ITPA: variants seen among roughly 807,000 people sequenced by gnomAD.
The protein encoded by ITPA is inosine triphosphatase, also known as inosine triphosphate pyrophosphatase.
ITPA carries 29 observed loss-of-function variants against 29.6 expected under a neutral mutation model. That is an observed-to-expected ratio of 0.98 (90% CI 0.73 to 1.34). The LOEUF is 1.34. ITPA is among the 40% of genes most tolerant of loss of function. The probability of loss-of-function intolerance (pLI) is 0.00; values close to 1 mark genes in which losing one functional copy is unlikely to be tolerated. For synonymous variants in ITPA, 103 were observed against 99.3 expected (o/e 1.04, Z -0.22); for missense variants, 241 against 251.5 (o/e 0.96, Z 0.28).
chr20:3,207,037 A>C (rs1490907094), upstream of ITPA, among the ~76,000 whole-genome samples: 1 of 152,042 alleles, frequency 6.6e-6, no homozygotes, highest in Non-Finnish European at 1.5e-5. Flanking sequence ...AAATAAAAGA[A>C]TGAAAAAGAA....
At chr20:3,221,172 A>G (rs1163620564) in intron 6 of ITPA, among the ~76,000 whole-genome samples, 3 of 151,052 alleles carry the variant, frequency 2.0e-5, no homozygotes, top group African/African-American at 7.3e-5. Context: ...GATTACAGGC[A>G]TGAGCCACCG....
chr20:3,204,293 G>A (rs2067055519), upstream of ITPA, among the ~76,000 whole-genome samples: 1 of 152,172 alleles, frequency 6.6e-6, no homozygotes, highest in African/African-American at 2.4e-5. Context: ...TGGAGTTCCC[G>A]GGGGTGAAGA....
chr20:3,219,980 G>T (rs66607669), intron 6 of ITPA, among the ~76,000 whole-genome samples: 2 of 146,690 alleles, frequency 1.4e-5, no homozygotes, highest in Non-Finnish European at 3.0e-5. Flanking sequence ...AGTTTGACGG[G>T]ACAGTGAGCT....
At chr20:3,209,231 A>AC (rs748389266), upstream of ITPA, 3 of 406,378 alleles carry the variant, frequency 7.4e-6, no homozygotes, top group Non-Finnish European at 1.3e-5. The surrounding 1 kb of genome is among the most constrained non-coding windows in gnomAD (Gnocchi z 4.6). Context: ...CCTTTCGGAG[A>AC]CCCCATTGCA....
upstream of ITPA, chr20:3,209,370 C>G: frequency 1.5e-6 from 1 of 684,410 alleles, no homozygotes; most frequent in Non-Finnish European, 2.7e-6. The surrounding 1 kb of genome is among the most constrained non-coding windows in gnomAD (Gnocchi z 4.6). Context: ...GCAAATCGGA[C>G]GCTGTGGGCT....
chr20:3,204,737 G>A (rs1407459360), upstream of ITPA: 2 of 1,075,312 alleles, frequency 1.9e-6, no homozygotes, highest in Non-Finnish European at 2.7e-6. Context: ...GCCCCGCCCA[G>A]CGGCACATCA....
chr20:3,213,659 C>T (rs1230004739), intron 3 of ITPA, among the ~76,000 whole-genome samples: 1 of 152,160 alleles, frequency 6.6e-6, no homozygotes, highest in African/African-American at 2.4e-5. Context: ...AGCCCTACAT[C>T]CTCCCCACAC....
upstream of ITPA, chr20:3,204,730 C>G (rs2067059112): frequency 1.7e-6 from 2 of 1,174,538 alleles, no homozygotes. Flanking sequence ...ACTCGGAGCC[C>G]CGCCCAGCGG....
chr20:3,224,922 G>C (rs1420290315), downstream of ITPA, among the ~76,000 whole-genome samples: 3 of 152,166 alleles, frequency 2.0e-5, no homozygotes, highest in Admixed American at 1.3e-4. Context: ...TATATATCTG[G>C]TTCCAGGCAA....
intron 1 of ITPA, among the ~76,000 whole-genome samples, chr20:3,212,354 C>G (rs1480026487): frequency 2.7e-5 from 4 of 150,246 alleles, no homozygotes; most frequent in Non-Finnish European, 5.9e-5. Context: ...GAGTCTCACT[C>G]TGTCGCCTAA....
upstream of ITPA, among the ~76,000 whole-genome samples, chr20:3,207,164 A>C (rs2067077097): frequency 6.6e-6 from 1 of 152,136 alleles, no homozygotes; most frequent in South Asian, 2.1e-4. Flanking sequence ...CTCTTGGCTC[A>C]CTGCAGCCTC....
At chr20:3,213,913 C>A in intron 3 of ITPA, 72 bp from the exon 4 acceptor site, 2 of 1,510,840 alleles carry the variant, frequency 1.3e-6, no homozygotes, top group Non-Finnish European at 1.8e-6. Context: ...GCCTGGGTGA[C>A]GCGGGTGACC....
rs150343728 is a variant in ITPA, at chr20:3,212,678, T to C, written c.67-491T>C. The stretch of plus-strand genomic sequence containing the variant: ...TTTGAGATATCTGCAGCAATTGTAA[T>C]GAGTTATAACAACATCTGTGATTTT... On this transcript the variant is annotated intron_variant, in intron 1 of 7. Transcript: ENST00000380113. Among the ~76,000 whole-genome samples, 301 of 152,344 alleles carry C rather than the reference T, an allele frequency of 2.0e-3. 1 individual carries two copies. Among genetic ancestry groups the C allele is most frequent in the African/African-American group, 6.5e-3 (272 of 41,586 alleles).
Position 3,222,856 on chromosome 20 carries a change from C to T in ITPA, c.489-510C>T, listed in dbSNP as rs547025573. ...GTTCAGCGTTAATTCATTTAAATAG[C>T]CACACCTGGCTAGTGGCTACTGGCC... is the stretch of plus-strand genomic sequence containing the variant. On this transcript the variant is annotated intron_variant, in intron 7 of 7. Coordinates refer to ENST00000380113, the MANE Select transcript of ITPA (RefSeq NM_033453.4). 5.3e-5 allele frequency among the ~76,000 whole-genome samples: 8 copies of T among 152,350 alleles called. No homozygotes were observed. The South Asian group carries it at 1.5e-3, about 28-fold the overall frequency.
In ITPA at chr20:3,218,644, C is replaced by G. The variant is rs747581144; in HGVS notation, c.411+12C>G. ...GGGGCCGGACCTCGGTGCGTACCCA[C>G]CTTGATGCAGTTCCCGCCGCGCGCC... On this transcript the variant is annotated intron_variant, in intron 6 of 7. Coordinates refer to ENST00000380113, the MANE Select transcript of ITPA (RefSeq NM_033453.4). 8 of 1,596,664 alleles carry G rather than the reference C, an allele frequency of 5.0e-6. No homozygotes were observed. The East Asian group carries it at 6.7e-5, about 13-fold the overall frequency.
At chr20:3,226,941 G>A (rs1380814472), downstream of ITPA, among the ~76,000 whole-genome samples, 1 of 152,184 alleles carries the variant, frequency 6.6e-6, no homozygotes, top group African/African-American at 2.4e-5. This position sits in a 1 kb window ranked among gnomAD's most constrained non-coding sequence, Gnocchi z 4.4. Flanking sequence ...CCTGCCGTCG[G>A]CAGTCCTCCC....
At chr20:3,210,020 G>A (rs955680170) in intron 1 of ITPA, among the ~76,000 whole-genome samples, 7 of 152,208 alleles carry the variant, frequency 4.6e-5, no homozygotes, top group Non-Finnish European at 8.8e-5. Flanking sequence ...CAGAGAGGGC[G>A]TGGGACGGAG....
At chr20:3,204,554 C>T, upstream of ITPA, 3 of 1,572,310 alleles carry the variant, frequency 1.9e-6, no homozygotes, top group Non-Finnish European at 2.6e-6. Flanking sequence ...CGCCCGGCCC[C>T]GGCTGCGAGT....
At chr20:3,216,130 ACAGGCATG>A (rs1010923730) in intron 5 of ITPA, among the ~76,000 whole-genome samples, 4 of 148,652 alleles carry the variant, frequency 2.7e-5, no homozygotes, top group African/African-American at 1.0e-4. Flanking sequence ...AACTGGGATT[ACAGGCATG>A]CGCCAGCACG....
Sources: allele counts gnomAD v4.1 joint callset (sites outside exome capture counted in the v4.1 genomes callset), GRCh38; gene constraint gnomAD v4.1.1; non-coding constraint Gnocchi (gnomAD v3.1); transcripts MANE v1.5; gene names NCBI Gene and HGNC (gene_info 2026-07-23, HGNC 2026-07-21).